PIBF1: variants seen among roughly 807,000 people sequenced by gnomAD.
PIBF1 encodes the protein progesterone-induced-blocking factor 1.
In PIBF1, 90 loss-of-function variants were observed where a neutral mutation model predicts 112.5. The ratio of observed to expected loss-of-function variants is 0.80; its 90% confidence interval spans 0.67 to 0.95. The LOEUF (loss-of-function observed/expected upper bound fraction) is 0.95, where lower values mean the gene tolerates loss of function less well. Ranked by LOEUF, PIBF1 falls within the 40% of genes least tolerant of loss-of-function variation. The probability of loss-of-function intolerance (pLI) is 0.00; values close to 1 mark genes in which losing one functional copy is unlikely to be tolerated. For synonymous variants in PIBF1, 301 were observed against 288.6 expected (o/e 1.04, Z -0.44); for missense variants, 915 against 852.3 (o/e 1.07, Z -0.92).
chr13:72,947,758 A>AT (rs1160655454), intron 14 of PIBF1, among the ~76,000 whole-genome samples: 26 of 152,190 alleles, frequency 1.7e-4, no homozygotes, highest in Admixed American at 1.4e-3. Flanking sequence ...AGGATTATAA[A>AT]TCATTCTAAT....
chr13:72,969,864 G>A (rs2138928878), intron 15 of PIBF1: 1 of 152,266 alleles, frequency 6.6e-6, no homozygotes, highest in South Asian at 2.1e-4. Flanking sequence ...CTCAGTAAAT[G>A]TTACTTCCCT....
chr13:72,833,749 G>T (rs564931322), intron 8 of PIBF1, among the ~76,000 whole-genome samples: 27 of 152,318 alleles, frequency 1.8e-4, no homozygotes, highest in African/African-American at 6.5e-4. Flanking sequence ...TGAGGAGGCA[G>T]TCTGACCCTT....
chr13:72,895,794 A>G (rs2040259202), intron 11 of PIBF1, among the ~76,000 whole-genome samples: 1 of 151,474 alleles, frequency 6.6e-6, no homozygotes, highest in African/African-American at 2.4e-5. Context: ...GAGGACCCAC[A>G]GACCCTCTGA....
chr13:72,895,313 T>C (rs1167206655), intron 11 of PIBF1, among the ~76,000 whole-genome samples: 1 of 149,214 alleles, frequency 6.7e-6, no homozygotes, highest in Non-Finnish European at 1.5e-5. Context: ...ATATTTAAAC[T>C]TAAATAATAT....
chr13:72,837,757 G>C (rs7990967), intron 9 of PIBF1, among the ~76,000 whole-genome samples: 2,275 of 152,062 alleles, frequency 0.015, 63 homozygotes, highest in African/African-American at 0.052. Context: ...TATTATATTA[G>C]TATCATATAA....
chr13:72,904,863 T>C (rs999333612), intron 11 of PIBF1, among the ~76,000 whole-genome samples: 1 of 152,106 alleles, frequency 6.6e-6, no homozygotes, highest in Non-Finnish European at 1.5e-5. Context: ...TTTTTTTTAA[T>C]GTCTAAGGTG....
At chr13:72,948,132 A>G (rs890967974) in intron 14 of PIBF1, among the ~76,000 whole-genome samples, 17 of 151,200 alleles carry the variant, frequency 1.1e-4, no homozygotes, top group Admixed American at 2.6e-4. Flanking sequence ...AGTGTAGACG[A>G]GTTGATGGGT....
chr13:72,926,994 G>C (rs992152369), intron 13 of PIBF1, among the ~76,000 whole-genome samples: 2 of 151,548 alleles, frequency 1.3e-5, no homozygotes, highest in Non-Finnish European at 2.9e-5. Context: ...ATTAATGAGT[G>C]TGTTTCTTCT....
chr13:72,860,664 T>A (rs1275606853), intron 10 of PIBF1, among the ~76,000 whole-genome samples: 2 of 152,190 alleles, frequency 1.3e-5, no homozygotes, highest in Non-Finnish European at 1.5e-5. Flanking sequence ...CTTTTTCATT[T>A]ATGTTAGAAG....
intron 14 of PIBF1, among the ~76,000 whole-genome samples, chr13:72,939,067 C>T (rs759371114): frequency 2.1e-4 from 32 of 152,106 alleles, no homozygotes; most frequent in Non-Finnish European, 4.4e-4. Flanking sequence ...GGACACTAGA[C>T]CTTTATCCAA....
chr13:72,927,960 C>CATATATATAT (rs1566457766), intron 13 of PIBF1, among the ~76,000 whole-genome samples: 6 of 112,272 alleles, frequency 5.3e-5, no homozygotes, highest in South Asian at 2.6e-4. Flanking sequence ...TATATATATA[C>CATATATATAT]ACATATATAT....
At chr13:72,978,971 G>A (rs2043090161) in intron 16 of PIBF1, among the ~76,000 whole-genome samples, 1 of 152,150 alleles carries the variant, frequency 6.6e-6, no homozygotes, top group Non-Finnish European at 1.5e-5. Flanking sequence ...AAGGTGGGAG[G>A]AACGCTTGAG....
chr13:73,001,582 C>CTTTTT lies in PIBF1; in HGVS notation c.2223+2601_2223+2605dup, dbSNP rs10645002. On this transcript the variant is annotated intron_variant, in intron 17 of 17. Coordinates refer to ENST00000326291, the MANE Select transcript of PIBF1 (RefSeq NM_006346.4). ...CAGAGGAGGAGAAATAAGAGCTTGA[C>CTTTTT]TTTTTTTTTTTTTTTTTTGACACTT... Among the ~76,000 whole-genome samples, 3 of 29,170 alleles carry CTTTTT rather than the reference C, an allele frequency of 1.0e-4. 1 individual carries two copies. The highest frequency in any genetic ancestry group is 1.5e-4 in the Non-Finnish European group (2 of 13,368). The allele number at this position is 29,170 out of a possible 152,430, so 19.1% of individuals were successfully genotyped here. A position where few individuals can be genotyped will look rare whatever the true frequency, so the allele number is the denominator to read the frequency against.
intron 8 of PIBF1, among the ~76,000 whole-genome samples, chr13:72,831,720 GC>G (rs2037125691): frequency 1.3e-5 from 2 of 150,316 alleles, no homozygotes; most frequent in Admixed American, 6.6e-5. Context: ...GTGATGAGGT[GC>G]TGTTGATTTG....
chr13:73,001,111 G>A (rs2043851657), intron 17 of PIBF1, among the ~76,000 whole-genome samples: 1 of 152,058 alleles, frequency 6.6e-6, no homozygotes, highest in Non-Finnish European at 1.5e-5. Context: ...ATAACCTGGG[G>A]CAAATCATTA....
At chr13:72,786,375 A>G (rs7327752) in intron 2 of PIBF1, among the ~76,000 whole-genome samples, 3,370 of 152,166 alleles carry the variant, frequency 0.022, 145 homozygotes, top group African/African-American at 0.077. Context: ...AGCTCATTCC[A>G]TTTCTTAATG....
chr13:72,880,785 T>A (rs2039594237), intron 10 of PIBF1, among the ~76,000 whole-genome samples: 1 of 152,216 alleles, frequency 6.6e-6, no homozygotes, highest in Non-Finnish European at 1.5e-5. Context: ...CTAGATCCCT[T>A]ATTATATATG....
intron 14 of PIBF1, among the ~76,000 whole-genome samples, chr13:72,938,537 T>C (rs757801286): frequency 2.0e-5 from 3 of 152,200 alleles, no homozygotes; most frequent in Non-Finnish European, 4.4e-5. Flanking sequence ...CAGTGCTCAG[T>C]TCCTTTTTAT....
At chr13:72,904,130 T>C (rs893041072) in intron 11 of PIBF1, among the ~76,000 whole-genome samples, 16 of 151,946 alleles carry the variant, frequency 1.1e-4, no homozygotes, top group Admixed American at 3.3e-4. Context: ...CATAATAGTG[T>C]GCCCACTAAT....
Sources: allele counts gnomAD v4.1 joint callset (sites outside exome capture counted in the v4.1 genomes callset), GRCh38; gene constraint gnomAD v4.1.1; transcripts MANE v1.5; gene names NCBI Gene and HGNC (gene_info 2026-07-23, HGNC 2026-07-21).